EXT1: variants seen among roughly 807,000 people sequenced by gnomAD.
The protein encoded by EXT1 is exostosin glycosyltransferase 1.
EXT1 carries 20 observed loss-of-function variants against 82.5 expected under a neutral mutation model. The observed-to-expected ratio is 0.24, with a 90% CI of 0.17 to 0.35. The LOEUF (loss-of-function observed/expected upper bound fraction) is 0.35. Among genes scored for constraint, EXT1 ranks in the 10% least tolerant of loss-of-function variants. The pLI, the probability that EXT1 is intolerant of heterozygous loss-of-function variation, is 1.00. For missense variants in EXT1, 757 were observed against 936.5 expected, an observed-to-expected ratio of 0.81 and a Z score of 2.50; for synonymous variants, 348 against 350.8, an observed-to-expected ratio of 0.99 and a Z score of 0.09.
At position 117,843,582 on chromosome 8, in the gene EXT1, T is replaced by A. The variant is rs374767757; in HGVS notation, c.963-6381A>T. 2.4e-4 allele frequency among the ~76,000 whole-genome samples: 36 copies of A among 152,162 alleles called. No homozygotes were observed. In the East Asian group the frequency reaches 3.3e-3, roughly 14 times the overall value. ...TTGGGGAGGGGAAGGTATGGGGGTG[T>A]GGGCTGCTGTTACTGGTGGGTTGCC... On this transcript the variant is annotated intron_variant, in intron 1 of 10. Coordinates refer to ENST00000378204, the MANE Select transcript of EXT1 (RefSeq NM_000127.3).
At chr8:118,040,944 C>T (rs1172918972) in intron 1 of EXT1, among the ~76,000 whole-genome samples, 3 of 152,218 alleles carry the variant, frequency 2.0e-5, no homozygotes, top group African/African-American at 7.2e-5. Context: ...TCTAATCCGT[C>T]AGCTTCAGAG....
Position 118,111,182 on chromosome 8 carries a change from G to T in EXT1, c.-136C>A. On this transcript the variant is annotated 5_prime_UTR_variant, in exon 1 of 11. Coordinates refer to ENST00000378204, the MANE Select transcript of EXT1 (RefSeq NM_000127.3). ...CTCTCCGCTCCCACCTTCTCTGGAT[G>T]CCTTTCCCCAAGCCGTGGACTGATC... The T allele has an allele frequency of 7.9e-7, 1 of 1,269,768 alleles. No individual in the cohort carries two copies. Among genetic ancestry groups the T allele is most frequent in the Non-Finnish European group, 1.1e-6 (1 of 906,326 alleles). 78.7% of individuals were successfully genotyped at this position (1,269,768 alleles called of 1,614,324 possible).
chr8:118,003,420 A>C lies in EXT1; in HGVS notation c.962+106665T>G, dbSNP rs536428130. Reference sequence around the variant, plus strand: ...ATTGAAATAAAAAAAAATTAAAAAAAAAGAAATTAGATTTTTCTAATTCCT... The same window carrying C: ...ATTGAAATAAAAAAAAATTAAAAAACAAGAAATTAGATTTTTCTAATTCCT... On this transcript the variant is annotated intron_variant, in intron 1 of 10. Coordinates refer to ENST00000378204, the MANE Select transcript of EXT1 (RefSeq NM_000127.3). Among the ~76,000 whole-genome samples the C allele has an allele frequency of 4.6e-5, 7 of 152,298 alleles. No homozygotes were observed. The East Asian group carries it at 9.6e-4, about 21-fold the overall frequency.
At chr8:117,858,766 A>AAGGAAGGAAGGAAGGAAGGCAGGC (rs1289892313) in intron 1 of EXT1, among the ~76,000 whole-genome samples, 8 of 54,676 alleles carry the variant, frequency 1.5e-4, no homozygotes, top group South Asian at 1.5e-3. Flanking sequence ...GGAAGGAAGG[A>AAGGAAGGAAGGAAGGAAGGCAGGC]AGGCAGGCAG....
At chr8:117,817,973 T>C (rs1563569811) in intron 7 of EXT1, among the ~76,000 whole-genome samples, 1 of 152,202 alleles carries the variant, frequency 6.6e-6, no homozygotes, top group East Asian at 1.9e-4. Flanking sequence ...GGTGAAAATG[T>C]CCTTTTTAAA....
chr8:117,842,973 T>C (rs951635690), intron 1 of EXT1, among the ~76,000 whole-genome samples: 5 of 152,208 alleles, frequency 3.3e-5, no homozygotes, highest in Non-Finnish European at 5.9e-5. Context: ...CCCCATGATG[T>C]TGTCACAGTT....
intron 1 of EXT1, among the ~76,000 whole-genome samples, chr8:118,091,477 G>A (rs1162930828): frequency 2.0e-5 from 3 of 152,098 alleles, no homozygotes; most frequent in East Asian, 1.9e-4. Flanking sequence ...GGTGGCTCAC[G>A]CCTGTAATCC....
intron 1 of EXT1, among the ~76,000 whole-genome samples, chr8:117,853,462 G>T (rs773488073): frequency 6.6e-6 from 1 of 152,094 alleles, no homozygotes; most frequent in Non-Finnish European, 1.5e-5. Flanking sequence ...GGAGAATCAC[G>T]TGTCTGGATG....
At chr8:117,959,376 A>G (rs1330940864) in intron 1 of EXT1, among the ~76,000 whole-genome samples, 1 of 152,204 alleles carries the variant, frequency 6.6e-6, no homozygotes, top group African/African-American at 2.4e-5. Flanking sequence ...TGTTTCCCAC[A>G]AACAACTCTG....
rs1402508241 is a variant in EXT1 at position 117,795,025 on chromosome 8, T to G, written c.*4687A>C. ...AACCGAAAGGACAGGGATGTATTCCTGTAGGAGAAGAACAGAAAACTATTG... is the reference window on the plus strand; with the variant it reads ...AACCGAAAGGACAGGGATGTATTCCGGTAGGAGAAGAACAGAAAACTATTG... On this transcript the variant is annotated 3_prime_UTR_variant, in exon 11 of 11. Coordinates refer to ENST00000378204, the MANE Select transcript of EXT1 (RefSeq NM_000127.3). The G allele has an allele frequency of 6.6e-6, 1 of 152,200 alleles. No individual in the cohort carries two copies. Among genetic ancestry groups the G allele is most frequent in the Non-Finnish European group, 1.5e-5 (1 of 68,026 alleles). 9.4% of individuals were successfully genotyped at this position (152,200 alleles called of 1,614,324 possible).
rs545316153 is a variant in EXT1, at chr8:117,798,066, C to T, written c.*1646G>A. On this transcript the variant is annotated 3_prime_UTR_variant, in exon 11 of 11. Transcript: ENST00000378204. ...CAGCACCATCCCCGTGCTATCATTACAAGCTCCTCTTCCTCTCCCAGATGT... is the reference window on the plus strand; with the variant it reads ...CAGCACCATCCCCGTGCTATCATTATAAGCTCCTCTTCCTCTCCCAGATGT... 102 of 152,352 alleles carry T rather than the reference C, an allele frequency of 6.7e-4. No individual in the cohort carries two copies. The highest frequency in any genetic ancestry group is 6.8e-3 in the Middle Eastern group (2 of 294). 9.4% of individuals were successfully genotyped at this position (152,352 alleles called of 1,614,324 possible). A position where few individuals can be genotyped will look rare whatever the true frequency, so the allele number is the denominator to read the frequency against.
chr8:117,823,339 T>A (rs1438704608), intron 4 of EXT1, among the ~76,000 whole-genome samples: 1 of 152,038 alleles, frequency 6.6e-6, no homozygotes, highest in African/African-American at 2.4e-5. Flanking sequence ...GAGTCAAACA[T>A]CCTCCCATCC....
chr8:117,966,748 T>G (rs1245145418), intron 1 of EXT1, among the ~76,000 whole-genome samples: 1 of 152,228 alleles, frequency 6.6e-6, no homozygotes, highest in Non-Finnish European at 1.5e-5. Context: ...TCTTTAAGAC[T>G]GAGAACAATA....
At chr8:117,971,867 A>G (rs1814946952) in intron 1 of EXT1, among the ~76,000 whole-genome samples, 2 of 152,322 alleles carry the variant, frequency 1.3e-5, no homozygotes, top group African/African-American at 4.8e-5. Flanking sequence ...AATAACACAG[A>G]AGACCGGGTG....
chr8:117,821,023 T>A (rs1811916418), intron 5 of EXT1, among the ~76,000 whole-genome samples: 1 of 152,188 alleles, frequency 6.6e-6, no homozygotes, highest in South Asian at 2.1e-4. Flanking sequence ...AAGAACTCAC[T>A]AAGAAATTAG....
At chr8:117,887,638 A>G (rs1458334141) in intron 1 of EXT1, among the ~76,000 whole-genome samples, 2 of 151,694 alleles carry the variant, frequency 1.3e-5, no homozygotes, top group Non-Finnish European at 2.9e-5. Flanking sequence ...GTGTGAGCCA[A>G]CATGCCCAGC....
At chr8:117,837,630 C>T (rs17474665) in intron 1 of EXT1, among the ~76,000 whole-genome samples, 2,323 of 152,250 alleles carry the variant, frequency 0.015, 75 homozygotes, top group African/African-American at 0.053. Flanking sequence ...CCCACCCCTT[C>T]AAAACCATGC....
At chr8:117,803,812 A>G (rs895965856) in intron 10 of EXT1, among the ~76,000 whole-genome samples, 1 of 152,252 alleles carries the variant, frequency 6.6e-6, no homozygotes. Context: ...CTTTTATAAA[A>G]GCTTTCAAAC....
chr8:118,021,059 T>C lies in EXT1; in HGVS notation c.962+89026A>G, dbSNP rs561397141. ...TATTTATGAGTTCATTTCAAAGCTT[T>C]CTAATTTCAGTTAGAGTCAGTGGGA... On this transcript the variant is annotated intron_variant, in intron 1 of 10. Coordinates refer to ENST00000378204, the MANE Select transcript of EXT1 (RefSeq NM_000127.3). 2.0e-5 allele frequency among the ~76,000 whole-genome samples: 3 copies of C among 152,356 alleles called. No individual in the cohort carries two copies. In the East Asian group the frequency reaches 5.8e-4, roughly 29 times the overall value.
Sources: gnomAD v4.1 joint callset for allele counts (sites outside exome capture counted in the v4.1 genomes callset) on GRCh38, gnomAD v4.1.1 for gene constraint, MANE v1.5 for transcripts, NCBI Gene and HGNC (gene_info 2026-07-23, HGNC 2026-07-21) for gene names.